The following VGLL2 variants were observed in gnomAD, a reference collection of about 807,000 sequenced individuals.
VGLL2 encodes the protein vestigial like family member 2.
VGLL2 carries 18 observed loss-of-function variants against 27.0 expected under a neutral mutation model. That is an observed-to-expected ratio of 0.67 (90% CI 0.46 to 0.99). The LOEUF (loss-of-function observed/expected upper bound fraction) is 0.99. Ranked by LOEUF, VGLL2 falls within the 50% of genes least tolerant of loss-of-function variation. The probability of loss-of-function intolerance (pLI) is 0.00; values close to 1 mark genes in which losing one functional copy is unlikely to be tolerated. For missense variants in VGLL2, 491 were observed against 452.3 expected, an observed-to-expected ratio of 1.09 and a Z score of -0.78; for synonymous variants, 220 against 201.1, an observed-to-expected ratio of 1.09 and a Z score of -0.80.
chr6:117,268,230 AG>A lies in VGLL2; in HGVS notation c.131del (p.Ser44ThrfsTer20). 6.2e-7 allele frequency: 1 copy of A among 1,614,204 alleles called. No individual in the cohort carries two copies. The highest frequency in any genetic ancestry group is 8.5e-7 in the Non-Finnish European group (1 of 1,180,024). ...GCAGGAAGCGCAGGAGTGCAATGCC[AG>A]CCCCAGCAGCAGTGGCAGCGGCAGC... ...KMQEAQECNA[S>X]PSSSGSGSSS... On this transcript the variant is annotated frameshift_variant, in exon 2 of 4. Coordinates refer to ENST00000326274, the MANE Select transcript of VGLL2 (RefSeq NM_182645.3).
At chr6:117,269,409 G>T (rs1171782842) in intron 2 of VGLL2, among the ~76,000 whole-genome samples, 1 of 152,166 alleles carries the variant, frequency 6.6e-6, no homozygotes, top group Non-Finnish European at 1.5e-5. Flanking sequence ...ATTTGTCTTT[G>T]GGAGGGAAAT....
At chr6:117,268,114 A>T (rs1773105474) in intron 1 of VGLL2, 68 bp from the exon 2 acceptor site, 2 of 1,473,816 alleles carry the variant, frequency 1.4e-6, no homozygotes, top group Non-Finnish European at 1.9e-6. Flanking sequence ...AGGATGAGGG[A>T]ATCAGTCTGA....
Position 117,265,714 on chromosome 6 carries a change from G to A in VGLL2, c.-50G>A, listed in dbSNP as rs762874425. 25 of 1,541,978 alleles carry A rather than the reference G, an allele frequency of 1.6e-5. No homozygotes were observed. The highest frequency in any genetic ancestry group is 2.0e-5 in the Non-Finnish European group (22 of 1,115,766). On this transcript the variant is annotated 5_prime_UTR_variant, in exon 1 of 4. Coordinates refer to ENST00000326274, the MANE Select transcript of VGLL2 (RefSeq NM_182645.3). ...CCCATGCAGCACCCCTGAGCTCCGG[G>A]GAAGGAGAGTTAATGAAAAAACACT...
intron 3 of VGLL2, chr6:117,272,186 C>G: frequency 2.4e-6 from 1 of 408,176 alleles, no homozygotes; most frequent in Non-Finnish European, 3.3e-6. Flanking sequence ...CCTTTGTCTT[C>G]CTCCTCCTCC....
chr6:117,272,080 G>A (rs1773213455), intron 3 of VGLL2, among the ~76,000 whole-genome samples: 1 of 144,646 alleles, frequency 6.9e-6, no homozygotes, highest in Non-Finnish European at 1.5e-5. Flanking sequence ...CCAACTTTAG[G>A]TGAAGTCTGT....
Position 117,268,479 on chromosome 6 carries a change from G to A in VGLL2, c.379G>A (p.Gly127Arg). The change falls in exon 2 of 4, where the codon GGG becomes AGG. Residue 127 changes from glycine (G) to arginine (R), a missense_variant. Gly to Arg is a moderately radical substitution (Grantham distance 125, BLOSUM62 -2). Transcript: ENST00000326274. ...CAGCAGCAAAGCACCAAGGAGCTCT[G>A]GGCCCTGGCGAGGTGAGTATAGGGC... ...CTSSKAPRSS[G>R]PWRDCSFPMS... The A allele has an allele frequency of 1.2e-6, 2 of 1,608,772 alleles. No homozygotes were observed. The highest frequency in any genetic ancestry group is 1.7e-6 in the Non-Finnish European group (2 of 1,177,278).
At chr6:117,270,085 G>C (rs538017403) in intron 2 of VGLL2, among the ~76,000 whole-genome samples, 3 of 152,178 alleles carry the variant, frequency 2.0e-5, no homozygotes, top group Non-Finnish European at 4.4e-5. Flanking sequence ...GAGATCACTA[G>C]GCGGCCGACC....
At chr6:117,272,428 T>C in intron 3 of VGLL2, 26 bp from the exon 4 acceptor site, 1 of 1,614,220 alleles carries the variant, frequency 6.2e-7, no homozygotes, top group Non-Finnish European at 8.5e-7. Context: ...AGTGGGTTTG[T>C]AACAGCTTCT....
At chr6:117,268,618 T>C in intron 2 of VGLL2, 127 bp downstream of exon 2, 1 of 1,101,532 alleles carries the variant, frequency 9.1e-7, no homozygotes, top group East Asian at 2.6e-5. Flanking sequence ...CAGAGGAGCA[T>C]TTGGAAAGGG....
intron 3 of VGLL2, among the ~76,000 whole-genome samples, chr6:117,271,737 G>C (rs1447599697): frequency 6.6e-6 from 1 of 152,120 alleles, no homozygotes; most frequent in Non-Finnish European, 1.5e-5. Flanking sequence ...GGGGGATCTT[G>C]TCACCTAGTG....
intron 3 of VGLL2, among the ~76,000 whole-genome samples, chr6:117,272,142 G>C (rs1482809932): frequency 7.6e-6 from 1 of 131,538 alleles, no homozygotes; most frequent in Non-Finnish European, 1.5e-5. Context: ...TAAATATCTT[G>C]TGCCTTCCCT....
rs1446236110 is a variant in VGLL2, at chr6:117,270,688, C to T, written c.537C>T (p.Pro179=). The change falls in exon 3 of 4, where the codon CCC becomes CCT. Residue 179 remains proline, a synonymous_variant. Coordinates refer to ENST00000326274, the MANE Select transcript of VGLL2 (RefSeq NM_182645.3). ...TCGCCGCCGCCGACCCCTACTCGCC[C>T]GCCGCGCTGCATGGCCACCTGCACC... ...LPFAAADPYS[P]AALHGHLHQG... is the part of the protein sequence containing the mutation. The T allele has an allele frequency of 1.5e-5, 23 of 1,541,742 alleles. No individual in the cohort carries two copies. The highest frequency in any genetic ancestry group is 2.8e-5 in the African/African-American group (2 of 70,932).
chr6:117,270,992 G>A lies in VGLL2; in HGVS notation c.841G>A (p.Ala281Thr), dbSNP rs1264165017. 1.6e-6 allele frequency: 2 copies of A among 1,232,626 alleles called. No homozygotes were observed. Among genetic ancestry groups the A allele is most frequent in the African/African-American group, 1.6e-5 (1 of 63,866 alleles). 76.4% of individuals were successfully genotyped at this position (1,232,626 alleles called of 1,614,324 possible). A position where few individuals can be genotyped will look rare whatever the true frequency, so the allele number is the denominator to read the frequency against. ...AGGCGAGCCGGCGGGCGCCGCGTGG[G>A]CCGGGCCCGGGGGACCCTTCGCGAG... ...GKGEPAGAAW[A>T]GPGGPFASPS... The change falls in exon 3 of 4, where the codon GCC becomes ACC. Residue 281 changes from alanine to threonine, a missense_variant. Coordinates refer to ENST00000326274, the MANE Select transcript of VGLL2 (RefSeq NM_182645.3).
chr6:117,267,261 A>G lies in VGLL2; in HGVS notation c.82-921A>G, dbSNP rs146390203. ...ATCTCTGCCTGCAGAATGCTTTAAC[A>G]CTTCATTCAGTCCATTGCTCATTTC... On this transcript the variant is annotated intron_variant, in intron 1 of 3. Coordinates refer to ENST00000326274, the MANE Select transcript of VGLL2 (RefSeq NM_182645.3). Among the ~76,000 whole-genome samples, 1,040 of 152,208 alleles carry G rather than the reference A, an allele frequency of 6.8e-3. 3 individuals carry two copies. Among genetic ancestry groups the G allele is most frequent in the Non-Finnish European group, 0.011 (716 of 68,016 alleles).
Position 117,265,674 on chromosome 6 carries a change from C to A in VGLL2, c.-90C>A. 1.8e-6 allele frequency: 2 copies of A among 1,118,042 alleles called. No homozygotes were observed. The highest frequency in any genetic ancestry group is 1.3e-5 in the South Asian group (1 of 76,732). The allele number at this position is 1,118,042 out of a possible 1,614,324, so 69.3% of individuals were successfully genotyped here. ...TGCTCCGCCTGATGACTCCAGAGCG[C>A]GGGTCCAAGCGCCGCCCATGCAGCA... On this transcript the variant is annotated 5_prime_UTR_variant, in exon 1 of 4. Coordinates refer to ENST00000326274, the MANE Select transcript of VGLL2 (RefSeq NM_182645.3).
chr6:117,272,122 C>G (rs1033177483), intron 3 of VGLL2, among the ~76,000 whole-genome samples: 1 of 142,210 alleles, frequency 7.0e-6, no homozygotes, highest in Non-Finnish European at 1.5e-5. Flanking sequence ...GTGTTTTGTC[C>G]TTCTTTCCTT....
intron 2 of VGLL2, among the ~76,000 whole-genome samples, chr6:117,270,134 A>C (rs1773150831): frequency 6.6e-6 from 1 of 151,968 alleles, no homozygotes; most frequent in Non-Finnish European, 1.5e-5. Flanking sequence ...GGGAGAGGTT[A>C]AGGCTAGGAA....
At chr6:117,272,130 C>T (rs1180093962) in intron 3 of VGLL2, among the ~76,000 whole-genome samples, 1 of 146,148 alleles carries the variant, frequency 6.8e-6, no homozygotes, top group Non-Finnish European at 1.5e-5. Flanking sequence ...TCCTTCTTTC[C>T]TTAAATATCT....
chr6:117,269,731 AT>A (rs1342961725), intron 2 of VGLL2, among the ~76,000 whole-genome samples: 2 of 152,196 alleles, frequency 1.3e-5, no homozygotes, highest in African/African-American at 2.4e-5. Context: ...TTCTCTTAAA[AT>A]GCTGTCACGG....
Sources: gnomAD v4.1 joint callset for allele counts (sites outside exome capture counted in the v4.1 genomes callset) on GRCh38, gnomAD v4.1.1 for gene constraint, MANE v1.5 for transcripts, NCBI Gene and HGNC (gene_info 2026-07-23, HGNC 2026-07-21) for gene names.